Variants in DAPP1 observed in about 807,000 individuals in gnomAD.
The protein encoded by DAPP1 is dual adapter for phosphotyrosine and 3-phosphotyrosine and 3-phosphoinositide.
Under a neutral mutation model 41.5 loss-of-function variants are expected in DAPP1, and 20 were observed. That is an observed-to-expected ratio of 0.48 (90% confidence interval 0.34 to 0.70). The LOEUF is 0.70. DAPP1 is among the 30% of genes least tolerant of loss of function. DAPP1 has a pLI of 0.01. For synonymous variants in DAPP1, 113 were observed against 116.2 expected, an observed-to-expected ratio of 0.97 and a Z score of 0.18; for missense variants, 233 against 333.4, an observed-to-expected ratio of 0.70 and a Z score of 2.35.
At chr4:99,849,797 C>A (rs1186098505) in intron 3 of DAPP1, among the ~76,000 whole-genome samples, 1 of 152,202 alleles carries the variant, frequency 6.6e-6, no homozygotes. Context: ...TAAGTAAGAC[C>A]ACTGTAATTG....
Position 99,863,012 on chromosome 4 carries a change from C to T in DAPP1, c.540C>T (p.Thr180=). ...GTGTGTGTGTGTGTTTTTCTCAGAC[C>T]TGGAAAACAAGATGGTTTACTCTGC... ...YLTKQGGLVK[T]WKTRWFTLHR... The change falls in exon 6 of 9, where the codon ACC becomes ACT. Residue 180 remains threonine, a splice_region_variant and synonymous_variant. Coordinates refer to ENST00000512369, the MANE Select transcript of DAPP1 (RefSeq NM_014395.3). 6.3e-7 allele frequency: 1 copy of T among 1,588,654 alleles called. No homozygotes were observed. Among genetic ancestry groups the T allele is most frequent in the Non-Finnish European group, 8.5e-7 (1 of 1,171,456 alleles).
chr4:99,832,683 G>T (rs752168043), intron 1 of DAPP1, among the ~76,000 whole-genome samples: 6 of 152,226 alleles, frequency 3.9e-5, no homozygotes, highest in Non-Finnish European at 8.8e-5. Context: ...TGTGTTTATG[G>T]TATATAGTTA....
chr4:99,858,773 A>G (rs1471371492), intron 4 of DAPP1, among the ~76,000 whole-genome samples: 4 of 152,166 alleles, frequency 2.6e-5, no homozygotes, highest in Admixed American at 1.3e-4. Context: ...AATCATTTTT[A>G]TATCAAATGG....
intron 3 of DAPP1, among the ~76,000 whole-genome samples, chr4:99,850,987 C>T (rs973787106): frequency 1.1e-4 from 17 of 152,130 alleles, no homozygotes; most frequent in Non-Finnish European, 2.4e-4. Context: ...GAACCCTGTT[C>T]CTCTGCCTGT....
Position 99,869,681 on chromosome 4 carries a change from G to A in DAPP1, c.*1496G>A, listed in dbSNP as rs1287805632. Reference sequence around the variant, plus strand: ...GCGGCGGCTCATGCCTGTAATCCCAGGACTTTGGTAGGCCAAGACAAGCAG... The same window carrying A: ...GCGGCGGCTCATGCCTGTAATCCCAAGACTTTGGTAGGCCAAGACAAGCAG... On this transcript the variant is annotated 3_prime_UTR_variant, in exon 9 of 9. Transcript: ENST00000512369. 6.6e-6 allele frequency: 1 copy of A among 152,194 alleles called. No individual in the cohort carries two copies. The highest frequency in any genetic ancestry group is 1.9e-4 in the East Asian group (1 of 5,204). The allele number at this position is 152,194 out of a possible 1,614,324, so 9.4% of individuals were successfully genotyped here. A position where few individuals can be genotyped will look rare whatever the true frequency, so the allele number is the denominator to read the frequency against.
intron 3 of DAPP1, among the ~76,000 whole-genome samples, chr4:99,848,134 T>C: frequency 6.6e-6 from 1 of 150,462 alleles, no homozygotes; most frequent in Non-Finnish European, 1.5e-5. Context: ...TGATTGGAAA[T>C]GACAGAAACC....
chr4:99,827,138 G>A (rs2110136500), intron 1 of DAPP1, among the ~76,000 whole-genome samples: 1 of 152,286 alleles, frequency 6.6e-6, no homozygotes, highest in South Asian at 2.1e-4. Flanking sequence ...GACTTAGCAG[G>A]TTGAGGGAGG....
At chr4:99,851,593 T>C (rs989546192) in intron 3 of DAPP1, among the ~76,000 whole-genome samples, 1 of 138,436 alleles carries the variant, frequency 7.2e-6, no homozygotes, top group Non-Finnish European at 1.5e-5. Context: ...CAGGCTGGAG[T>C]GCAGTGGTGC....
intron 1 of DAPP1, among the ~76,000 whole-genome samples, chr4:99,830,359 G>T (rs1267782576): frequency 6.6e-6 from 1 of 152,008 alleles, no homozygotes; most frequent in African/African-American, 2.4e-5. Flanking sequence ...CTCCAGCCTG[G>T]GTGACAGAGC....
chr4:99,858,676 G>A (rs183898860), intron 4 of DAPP1, among the ~76,000 whole-genome samples: 67 of 152,258 alleles, frequency 4.4e-4, no homozygotes, highest in African/African-American at 1.6e-3. Context: ...GTTACCAAAC[G>A]ATGACTCTCT....
intron 4 of DAPP1, among the ~76,000 whole-genome samples, chr4:99,859,769 G>T (rs1264584673): frequency 6.6e-6 from 1 of 152,138 alleles, no homozygotes; most frequent in Non-Finnish European, 1.5e-5. Context: ...GCCCAACTTG[G>T]CTCTGAAACT....
At chr4:99,836,251 A>G (rs1279215384) in intron 2 of DAPP1, among the ~76,000 whole-genome samples, 1 of 152,156 alleles carries the variant, frequency 6.6e-6, no homozygotes, top group Non-Finnish European at 1.5e-5. Context: ...ATGGTAAGAA[A>G]GTTAATCCAG....
At chr4:99,853,089 T>G in intron 3 of DAPP1, 129 bp from the exon 4 acceptor site, 244 of 1,008,108 alleles carry the variant, frequency 2.4e-4, no homozygotes, top group Non-Finnish European at 3.2e-4. Flanking sequence ...TGATAACTGT[T>G]GAGATAATGA....
intron 1 of DAPP1, among the ~76,000 whole-genome samples, chr4:99,823,120 T>A (rs952388190): frequency 6.6e-6 from 1 of 152,156 alleles, no homozygotes; most frequent in Non-Finnish European, 1.5e-5. Flanking sequence ...TTATTTAGGG[T>A]TAAAGTGTCA....
rs952144595 is a variant in DAPP1, at chr4:99,818,545, T to C, written c.101+1531T>C. Among the ~76,000 whole-genome samples the C allele has an allele frequency of 1.3e-5, 2 of 152,192 alleles. 1 individual carries two copies. Among genetic ancestry groups the C allele is most frequent in the Admixed American group, 1.3e-4 (2 of 15,280 alleles). ...ACACACTTAGATGACAAAGATGAAT[T>C]AGATGCTGTCTCTGTGCCCCACCAT... On this transcript the variant is annotated intron_variant, in intron 1 of 8. Transcript: ENST00000512369.
intron 3 of DAPP1, among the ~76,000 whole-genome samples, chr4:99,843,675 G>A (rs1723570737): frequency 6.6e-6 from 1 of 152,108 alleles, no homozygotes; most frequent in South Asian, 2.1e-4. Context: ...GATATACAAT[G>A]TACTCTCTTG....
At chr4:99,868,050 T>C in intron 8 of DAPP1, 67 bp from the exon 9 acceptor site, 1 of 1,354,246 alleles carries the variant, frequency 7.4e-7, no homozygotes. Context: ...TTATTTAATA[T>C]TTGTTAGAAG....
chr4:99,859,473 C>T (rs1724162422), intron 4 of DAPP1, among the ~76,000 whole-genome samples: 1 of 152,094 alleles, frequency 6.6e-6, no homozygotes, highest in African/African-American at 2.4e-5. Context: ...CACATATATA[C>T]TTTTACATCT....
intron 1 of DAPP1, among the ~76,000 whole-genome samples, chr4:99,828,360 T>C (rs906121650): frequency 1.3e-5 from 2 of 152,350 alleles, no homozygotes; most frequent in African/African-American, 4.8e-5. Context: ...TTACGTCCTG[T>C]AACTTTTTGT....
Sources: allele counts gnomAD v4.1 joint callset (sites outside exome capture counted in the v4.1 genomes callset), GRCh38; gene constraint gnomAD v4.1.1; transcripts MANE v1.5; gene names NCBI Gene and HGNC (gene_info 2026-07-23, HGNC 2026-07-21).